Variants in SATL1 observed in about 807,000 individuals in gnomAD.
The protein encoded by SATL1 is spermidine/spermine N1-acetyl transferase like 1.
In SATL1, 47 loss-of-function variants were observed where a neutral mutation model predicts 51.8. That is an observed-to-expected ratio of 0.91 (90% confidence interval 0.72 to 1.16). The LOEUF (loss-of-function observed/expected upper bound fraction) is 1.16, where lower values mean the gene tolerates loss of function less well. SATL1 is among the 50% of genes most tolerant of loss of function. The probability of loss-of-function intolerance (pLI) is 0.00; values close to 1 mark genes in which losing one functional copy is unlikely to be tolerated. For missense variants in SATL1, 520 were observed against 526.4 expected, an observed-to-expected ratio of 0.99 and a Z score of 0.12; for synonymous variants, 176 against 182.4, an observed-to-expected ratio of 0.97 and a Z score of 0.28.
At chrX:85,184,543 C>T (rs937855867) in intron 2 of SATL1, among the ~76,000 whole-genome samples, 16 of 111,748 alleles carry the variant, frequency 1.4e-4, no homozygotes, top group Admixed American at 9.6e-4. Context: ...CCTCTGACTA[C>T]ATATTTTCAA....
At chrX:85,127,185 T>G (rs1287355373) in intron 2 of SATL1, among the ~76,000 whole-genome samples, 2 of 110,700 alleles carry the variant, frequency 1.8e-5, no homozygotes, top group African/African-American at 6.6e-5. Context: ...ATTTTACTAG[T>G]TATATGTTTT....
intron 2 of SATL1, among the ~76,000 whole-genome samples, chrX:85,159,957 A>C (rs1926680426): frequency 9.0e-6 from 1 of 111,503 alleles, no homozygotes; most frequent in African/African-American, 3.3e-5. Context: ...GCAGGTCGGG[A>C]GCACATAGGC....
chrX:85,095,181 C>T (rs765341596), intron 4 of SATL1, among the ~76,000 whole-genome samples, 185 bp from the exon 5 acceptor site: 43 of 112,211 alleles, frequency 3.8e-4, no homozygotes, highest in Admixed American at 6.6e-4. Flanking sequence ...GACAGCCTGG[C>T]TGGTCAACTG....
intron 2 of SATL1, chrX:85,153,681 T>C (rs901879677): frequency 4.5e-5 from 5 of 111,977 alleles, no homozygotes; most frequent in African/African-American, 1.6e-4. Context: ...CCATTTGTTT[T>C]TTCCTAATAT....
intron 2 of SATL1, among the ~76,000 whole-genome samples, chrX:85,112,262 G>T (rs1291750830): frequency 3.6e-5 from 4 of 111,182 alleles, no homozygotes; most frequent in African/African-American, 1.3e-4. Flanking sequence ...TGAGGCAAGA[G>T]AATCGCTTAA....
intron 5 of SATL1, among the ~76,000 whole-genome samples, chrX:85,094,463 G>C (rs181036903): frequency 6.3e-5 from 7 of 111,990 alleles, no homozygotes; most frequent in Middle Eastern, 4.6e-3. Context: ...AAAAATTTTA[G>C]CTGGGCGCAG....
At chrX:85,151,562 A>G (rs1359570886) in intron 2 of SATL1, among the ~76,000 whole-genome samples, 2 of 111,658 alleles carry the variant, frequency 1.8e-5, no homozygotes, top group African/African-American at 6.5e-5. Context: ...CCTGACTTCA[A>G]ACTATACTAC....
At chrX:85,182,843 T>C (rs1473633600) in intron 2 of SATL1, among the ~76,000 whole-genome samples, 1 of 111,926 alleles carries the variant, frequency 8.9e-6, no homozygotes, top group Non-Finnish European at 1.9e-5. Flanking sequence ...ATTAGTGATG[T>C]TGAGCATTTT....
intron 1 of SATL1, among the ~76,000 whole-genome samples, chrX:85,232,868 T>G (rs1038245236): frequency 1.3e-4 from 15 of 111,679 alleles, no homozygotes; most frequent in Admixed American, 1.0e-3. Flanking sequence ...AGGGGAAACT[T>G]GCCATCCTGA....
intron 2 of SATL1, among the ~76,000 whole-genome samples, chrX:85,146,946 T>A (rs1381700076): frequency 8.9e-6 from 1 of 112,456 alleles, no homozygotes. Flanking sequence ...TTCATCTCAC[T>A]AGGGAGTACC....
chrX:85,208,226 A>G (rs1927830705), intron 2 of SATL1, among the ~76,000 whole-genome samples: 1 of 111,684 alleles, frequency 9.0e-6, no homozygotes. Context: ...TGCAAAGGAC[A>G]TGAACTCATC....
intron 2 of SATL1, among the ~76,000 whole-genome samples, chrX:85,166,941 A>ATG (rs60077558): frequency 0.065 from 5,058 of 77,480 alleles, 152 homozygotes; most frequent in East Asian, 0.091. Context: ...ATATATGTGT[A>ATG]TGTGTGTGTG....
At chrX:85,225,036 G>A (rs1225452667) in intron 1 of SATL1, among the ~76,000 whole-genome samples, 1 of 111,491 alleles carries the variant, frequency 9.0e-6, no homozygotes, top group Non-Finnish European at 1.9e-5. Context: ...GTTCCATACT[G>A]TAACTCCATT....
intron 2 of SATL1, among the ~76,000 whole-genome samples, chrX:85,141,127 G>T (rs1044747728): frequency 9.0e-6 from 1 of 111,312 alleles, no homozygotes; most frequent in Non-Finnish European, 1.9e-5. Flanking sequence ...AGGCAGAAAG[G>T]GGCTGCAAGG....
chrX:85,201,460 T>C (rs1182751990), intron 2 of SATL1, among the ~76,000 whole-genome samples: 1 of 111,397 alleles, frequency 9.0e-6, no homozygotes, highest in Non-Finnish European at 1.9e-5. Context: ...ATATATACTT[T>C]CTTTTTTGAA....
intron 2 of SATL1, among the ~76,000 whole-genome samples, chrX:85,142,170 G>T (rs775505048): frequency 1.9e-5 from 2 of 107,259 alleles, no homozygotes; most frequent in South Asian, 4.4e-4. Context: ...GCTGAGGCGG[G>T]TGGAACACGA....
chrX:85,148,460 G>C (rs1362540538), intron 2 of SATL1, among the ~76,000 whole-genome samples: 1 of 110,233 alleles, frequency 9.1e-6, no homozygotes, highest in Non-Finnish European at 1.9e-5. Flanking sequence ...AGGAAATACA[G>C]AGAATGCCAC....
intron 2 of SATL1, among the ~76,000 whole-genome samples, chrX:85,181,923 C>T (rs1927213549): frequency 9.0e-6 from 1 of 111,223 alleles, no homozygotes; most frequent in South Asian, 3.7e-4. Context: ...ACATTTGAAA[C>T]ATATACCTCT....
chrX:85,217,121 T>A (rs1037596306), intron 2 of SATL1, among the ~76,000 whole-genome samples: 2 of 111,939 alleles, frequency 1.8e-5, no homozygotes, highest in African/African-American at 6.5e-5. Context: ...TATGGAACTA[T>A]ACTATAGTGT....
Sources: gnomAD v4.1 joint callset for allele counts (sites outside exome capture counted in the v4.1 genomes callset) on GRCh38, gnomAD v4.1.1 for gene constraint, MANE v1.5 for transcripts, NCBI Gene and HGNC (gene_info 2026-07-23, HGNC 2026-07-21) for gene names.